The following SCARB2 variants were observed in gnomAD, a reference collection of about 807,000 sequenced individuals.
SCARB2 encodes the protein scavenger receptor class B member 2.
A neutral mutation model predicts 58.6 loss-of-function variants in SCARB2; 29 were observed. The ratio of observed to expected loss-of-function variants is 0.49; its 90% CI spans 0.37 to 0.67. The LOEUF is 0.67. SCARB2 is among the 30% of genes least tolerant of loss of function. The pLI, the probability that SCARB2 is intolerant of heterozygous loss-of-function variation, is 0.00. For synonymous variants in SCARB2, 195 were observed against 210.1 expected, an observed-to-expected ratio of 0.93 and a Z score of 0.62; for missense variants, 488 against 578.5, an observed-to-expected ratio of 0.84 and a Z score of 1.60.
At chr4:76,179,919 A>G in intron 3 of SCARB2, 1 of 601,906 alleles carries the variant, frequency 1.7e-6, no homozygotes, top group Non-Finnish European at 3.0e-6. Flanking sequence ...TGTAAGTGTA[A>G]TATTTACAAA....
In SCARB2 at chr4:76,213,694, G is replaced by C. The variant is rs963610256; in HGVS notation, c.-151C>G. 3 of 579,530 alleles carry C rather than the reference G, an allele frequency of 5.2e-6. No homozygotes were observed. Among genetic ancestry groups the C allele is most frequent in the Non-Finnish European group, 5.8e-6 (2 of 342,392 alleles). 35.9% of individuals were successfully genotyped at this position (579,530 alleles called of 1,614,324 possible). A position where few individuals can be genotyped will look rare whatever the true frequency, so the allele number is the denominator to read the frequency against. ...CGCACGGTTCGTGCGCGCAGCTCTG[G>C]GCTCCGCGGCCTGGCGAGCGCGGCC... On this transcript the variant is annotated 5_prime_UTR_variant, in exon 1 of 12. Transcript: ENST00000264896.
At chr4:76,175,053 G>C (rs1464433900) in intron 6 of SCARB2, 1 of 149,354 alleles carries the variant, frequency 6.7e-6, no homozygotes, top group African/African-American at 2.6e-5. Flanking sequence ...CAGAGCTGTT[G>C]ATACATCTCT....
At chr4:76,226,085 C>G (rs564191527) in intron 1 of SCARB2, among the ~76,000 whole-genome samples, 1 of 144,960 alleles carries the variant, frequency 6.9e-6, no homozygotes. Context: ...AACACCAGGT[C>G]GTGGTGGCTA....
chr4:76,233,949 A>C (rs762535361), intron 1 of SCARB2, among the ~76,000 whole-genome samples: 2 of 152,242 alleles, frequency 1.3e-5, no homozygotes, highest in African/African-American at 2.4e-5. Context: ...GGAAAGAAAA[A>C]AAGTTTAAAA....
At chr4:76,208,926 A>G (rs1452626829) in intron 1 of SCARB2, among the ~76,000 whole-genome samples, 1 of 152,210 alleles carries the variant, frequency 6.6e-6, no homozygotes, top group African/African-American at 2.4e-5. Flanking sequence ...TTACACCAGC[A>G]CAACAGGTAC....
chr4:76,174,509 T>C, intron 6 of SCARB2, 196 bp from the exon 7 acceptor site: 1 of 596,090 alleles, frequency 1.7e-6, no homozygotes, highest in Non-Finnish European at 3.0e-6. Flanking sequence ...AAGGTGTTTA[T>C]TGTAGCAACG....
intron 2 of SCARB2, among the ~76,000 whole-genome samples, chr4:76,191,058 T>G (rs1231895356): frequency 6.6e-6 from 1 of 152,058 alleles, no homozygotes; most frequent in African/African-American, 2.4e-5. Flanking sequence ...CATCACATCT[T>G]AAGGAATTTC....
chr4:76,171,686 G>A (rs1349324363), intron 7 of SCARB2, among the ~76,000 whole-genome samples: 1 of 151,838 alleles, frequency 6.6e-6, no homozygotes, highest in Non-Finnish European at 1.5e-5. Context: ...CTACATTTTT[G>A]CTTTGAGCCA....
chr4:76,192,086 A>G (rs1430325641), intron 2 of SCARB2: 2 of 152,214 alleles, frequency 1.3e-5, no homozygotes, highest in East Asian at 3.9e-4. Flanking sequence ...ATTTCTTTAT[A>G]GCAATGTAAG....
In SCARB2 at chr4:76,163,009, A is replaced by G. The variant is rs1162661946; in HGVS notation, c.1398+216T>C. On this transcript the variant is annotated intron_variant, in intron 11 of 11. Transcript: ENST00000264896. ...CATCCAAAGAGATTCTATTCCCCAA[A>G]TATTAGATGGTACCTTCTAACCCTC... The G allele has an allele frequency of 4.8e-6, 3 of 625,706 alleles. No individual in the cohort carries two copies. The Admixed American group carries it at 8.3e-5, about 17-fold the overall frequency. The allele number at this position is 625,706 out of a possible 1,614,324, so 38.8% of individuals were successfully genotyped here.
intron 9 of SCARB2, among the ~76,000 whole-genome samples, chr4:76,167,064 T>A (rs1190954191): frequency 6.6e-6 from 1 of 152,230 alleles, no homozygotes; most frequent in Non-Finnish European, 1.5e-5. Flanking sequence ...TATATCATAA[T>A]TTTCTCATAT....
intron 1 of SCARB2, among the ~76,000 whole-genome samples, chr4:76,222,307 A>G (rs983370694): frequency 6.6e-6 from 1 of 151,710 alleles, no homozygotes; most frequent in African/African-American, 2.4e-5. Context: ...GCTCACTGCA[A>G]CCTTGGCCTT....
At chr4:76,191,354 C>A (rs1425946704) in intron 2 of SCARB2, among the ~76,000 whole-genome samples, 1 of 152,132 alleles carries the variant, frequency 6.6e-6, no homozygotes, top group Admixed American at 6.5e-5. Flanking sequence ...GTTTTGGTGT[C>A]CCCTCAAAAT....
chr4:76,219,875 T>G (rs1733279199), intron 1 of SCARB2, among the ~76,000 whole-genome samples: 1 of 152,150 alleles, frequency 6.6e-6, no homozygotes, highest in South Asian at 2.1e-4. Context: ...CCTAGAAGCC[T>G]CCTATACTCA....
At chr4:76,176,224 C>T (rs1398664762) in intron 5 of SCARB2, 2 of 605,242 alleles carry the variant, frequency 3.3e-6, no homozygotes, top group Non-Finnish European at 2.9e-6. Flanking sequence ...TAATTCATGC[C>T]TGGCCATGAT....
chr4:76,167,854 G>C (rs1400733091), intron 9 of SCARB2, among the ~76,000 whole-genome samples: 1 of 151,910 alleles, frequency 6.6e-6, no homozygotes, highest in Non-Finnish European at 1.5e-5. Context: ...GCTAATTTTT[G>C]TATTTTTAGT....
intron 1 of SCARB2, among the ~76,000 whole-genome samples, chr4:76,224,005 C>A (rs1355500821): frequency 2.0e-5 from 3 of 152,178 alleles, no homozygotes; most frequent in African/African-American, 7.2e-5. Flanking sequence ...AAAATAAAAT[C>A]TCCTGCCAAA....
At chr4:76,198,594 C>G (rs868702567) in intron 1 of SCARB2, among the ~76,000 whole-genome samples, 1 of 152,020 alleles carries the variant, frequency 6.6e-6, no homozygotes, top group Non-Finnish European at 1.5e-5. Context: ...GACCATGTTA[C>G]AGCTGGGGCT....
chr4:76,218,366 A>G (rs1279269130), upstream of SCARB2, among the ~76,000 whole-genome samples: 1 of 152,230 alleles, frequency 6.6e-6, no homozygotes, highest in African/African-American at 2.4e-5. Flanking sequence ...CAAAGTTCTT[A>G]CATTACAGAA....
Sources: allele counts gnomAD v4.1 joint callset (sites outside exome capture counted in the v4.1 genomes callset), GRCh38; gene constraint gnomAD v4.1.1; transcripts MANE v1.5; gene names NCBI Gene and HGNC (gene_info 2026-07-23, HGNC 2026-07-21).